SMIM14: variants seen among roughly 807,000 people sequenced by gnomAD.
The protein encoded by SMIM14 is small integral membrane protein 14, also known as chromosome 4 open reading frame 34.
SMIM14 carries 5 observed loss-of-function variants against 12.6 expected under a neutral mutation model. The observed-to-expected ratio is 0.40, with a 90% CI of 0.21 to 0.83. The LOEUF (loss-of-function observed/expected upper bound fraction) is 0.83. Among genes scored for constraint, SMIM14 ranks in the 40% least tolerant of loss-of-function variants. The pLI, the probability that SMIM14 is intolerant of heterozygous loss-of-function variation, is 0.37. For synonymous variants in SMIM14, 30 were observed against 40.1 expected (o/e 0.75, Z 0.95); for missense variants, 86 against 119.1 (o/e 0.72, Z 1.29).
At chr4:39,613,040 C>T (rs1345056017) in intron 1 of SMIM14, among the ~76,000 whole-genome samples, 1 of 152,150 alleles carries the variant, frequency 6.6e-6, no homozygotes, top group Admixed American at 6.6e-5. Flanking sequence ...TATTATCCAT[C>T]AAAATTGTAA....
intron 4 of SMIM14, among the ~76,000 whole-genome samples, chr4:39,555,335 C>T (rs915799153): frequency 2.0e-5 from 3 of 151,856 alleles, no homozygotes; most frequent in Non-Finnish European, 4.4e-5. Context: ...TGAGCTCAAA[C>T]GATTCTCATG....
intron 3 of SMIM14, among the ~76,000 whole-genome samples, chr4:39,572,050 G>A (rs1003188011): frequency 2.0e-5 from 3 of 151,696 alleles, no homozygotes; most frequent in Admixed American, 6.6e-5. Context: ...ACGATCCACC[G>A]GCCTCAGCTT....
At chr4:39,610,707 A>C (rs981808490) in intron 1 of SMIM14, among the ~76,000 whole-genome samples, 1 of 151,950 alleles carries the variant, frequency 6.6e-6, no homozygotes, top group Non-Finnish European at 1.5e-5. Flanking sequence ...AAAAAAAAAA[A>C]AAAAACTGAA....
At chr4:39,597,875 TACAA>T (rs1714439975) in intron 2 of SMIM14, among the ~76,000 whole-genome samples, 1 of 152,206 alleles carries the variant, frequency 6.6e-6, no homozygotes, top group Admixed American at 6.5e-5. Context: ...AGTTAGGGCA[TACAA>T]ACAGCTTCCC....
intron 4 of SMIM14, 108 bp downstream of exon 4, chr4:39,556,320 A>C: frequency 9.7e-7 from 1 of 1,026,526 alleles, no homozygotes; most frequent in Middle Eastern, 2.2e-4. Flanking sequence ...TCTATGAGTT[A>C]AATATAATTT....
chr4:39,580,713 G>C (rs1160295486), intron 2 of SMIM14, among the ~76,000 whole-genome samples: 9 of 151,816 alleles, frequency 5.9e-5, no homozygotes, highest in Admixed American at 2.0e-4. Context: ...TTTCAGTAGA[G>C]ACGGGGTTTC....
At chr4:39,599,849 G>A (rs1347824963) in intron 2 of SMIM14, among the ~76,000 whole-genome samples, 2 of 151,578 alleles carry the variant, frequency 1.3e-5, no homozygotes, top group Non-Finnish European at 2.9e-5. Flanking sequence ...TTGAACCCGG[G>A]AAGCGGAGGT....
In SMIM14 at chr4:39,605,117, T is replaced by C. The variant is rs745719234; in HGVS notation, c.29A>G (p.Glu10Gly). 2.5e-6 allele frequency: 4 copies of C among 1,608,452 alleles called. No individual in the cohort carries two copies. In the East Asian group the frequency reaches 9.0e-5, roughly 36 times the overall value. Reference sequence around the variant, plus strand: ...TGCATGTTCATGAGAGCAAACACATTCACAGGGATCAAATCCACCTTCTGC... The same window carrying C: ...TGCATGTTCATGAGAGCAAACACATCCACAGGGATCAAATCCACCTTCTGC... MAEGGFDPC[E>G]CVCSHEHAMR... The change falls in exon 2 of 5, where the codon GAA becomes GGA. Residue 10 changes from glutamate (E) to glycine (G), a missense_variant. Coordinates refer to ENST00000295958, the MANE Select transcript of SMIM14 (RefSeq NM_174921.3).
At chr4:39,618,102 T>G (rs1715289942) in intron 1 of SMIM14, among the ~76,000 whole-genome samples, 1 of 152,054 alleles carries the variant, frequency 6.6e-6, no homozygotes. Context: ...TCTTCAGAAA[T>G]AACAAGTGAA....
chr4:39,629,280 G>A (rs2109255605), intron 1 of SMIM14, among the ~76,000 whole-genome samples: 1 of 145,642 alleles, frequency 6.9e-6, no homozygotes, highest in Middle Eastern at 3.5e-3. Flanking sequence ...AGAATCGCTT[G>A]AACCCAGGAA....
intron 2 of SMIM14, among the ~76,000 whole-genome samples, chr4:39,602,926 C>T (rs997918205): frequency 2.6e-5 from 4 of 152,084 alleles, no homozygotes; most frequent in African/African-American, 9.7e-5. Flanking sequence ...AATGTTTGTA[C>T]GTACCTTTAT....
At chr4:39,587,580 T>A (rs1713850411) in intron 2 of SMIM14, among the ~76,000 whole-genome samples, 1 of 149,694 alleles carries the variant, frequency 6.7e-6, no homozygotes, top group Admixed American at 6.6e-5. Flanking sequence ...AAGCCAAACA[T>A]GCTCTTCTAG....
chr4:39,555,560 G>C (rs148244594), intron 4 of SMIM14, among the ~76,000 whole-genome samples: 1 of 152,278 alleles, frequency 6.6e-6, no homozygotes, highest in Non-Finnish European at 1.5e-5. Context: ...AGATAGTCCT[G>C]AAAACTCCCT....
intron 2 of SMIM14, among the ~76,000 whole-genome samples, chr4:39,596,097 T>TTTTC (rs1358165987): frequency 6.6e-6 from 1 of 152,060 alleles, no homozygotes; most frequent in Non-Finnish European, 1.5e-5. Context: ...TAGTGCCTTT[T>TTTTC]TTTCTTTCTT....
At chr4:39,615,621 G>A (rs1056923811) in intron 1 of SMIM14, among the ~76,000 whole-genome samples, 1 of 152,078 alleles carries the variant, frequency 6.6e-6, no homozygotes, top group Non-Finnish European at 1.5e-5. Context: ...ATGTGTGGGG[G>A]CAGGGGATAT....
intron 1 of SMIM14, among the ~76,000 whole-genome samples, chr4:39,623,826 C>A (rs1374642395): frequency 6.6e-6 from 1 of 152,096 alleles, no homozygotes; most frequent in Non-Finnish European, 1.5e-5. Context: ...TGCACCACTG[C>A]ACTCCAGCTT....
intron 4 of SMIM14, among the ~76,000 whole-genome samples, chr4:39,554,126 G>A (rs1454919671): frequency 1.3e-5 from 2 of 152,108 alleles, no homozygotes; most frequent in African/African-American, 4.8e-5. Context: ...AATTATTTTA[G>A]GAATTCCACA....
intron 1 of SMIM14, among the ~76,000 whole-genome samples, chr4:39,624,845 G>C (rs937077080): frequency 6.8e-6 from 1 of 147,326 alleles, no homozygotes; most frequent in East Asian, 2.0e-4. Context: ...CTTCCTATTC[G>C]TTCTTAGTAA....
intron 3 of SMIM14, among the ~76,000 whole-genome samples, chr4:39,557,982 T>A (rs533748697): frequency 1.3e-5 from 2 of 152,334 alleles, no homozygotes; most frequent in South Asian, 4.1e-4. Flanking sequence ...CTTCTATCAA[T>A]TTTTTCTATT....
Sources: allele counts gnomAD v4.1 joint callset (sites outside exome capture counted in the v4.1 genomes callset), GRCh38; gene constraint gnomAD v4.1.1; transcripts MANE v1.5; gene names NCBI Gene and HGNC (gene_info 2026-07-23, HGNC 2026-07-21).